The following ZNF274 variants were observed in gnomAD, a reference collection of about 807,000 sequenced individuals.
ZNF274 encodes neurotrophin receptor-interacting factor homolog.
Under a neutral mutation model 42.5 loss-of-function variants are expected in ZNF274, and 23 were observed. The observed-to-expected ratio is 0.54, with a 90% CI of 0.39 to 0.77. ZNF274 has a LOEUF of 0.77. ZNF274 is among the 30% of genes least tolerant of loss of function. The probability of loss-of-function intolerance (pLI) is 0.00; values close to 1 mark genes in which losing one functional copy is unlikely to be tolerated. For missense variants in ZNF274, 679 were observed against 806.5 expected (o/e 0.84, Z 1.91); for synonymous variants, 292 against 305.4 (o/e 0.96, Z 0.46).
chr19:58,186,871 G>A, intron 3 of ZNF274, 76 bp from the exon 4 acceptor site: 6 of 1,277,366 alleles, frequency 4.7e-6, no homozygotes, highest in African/African-American at 1.5e-5. Context: ...AGCTGGAGAC[G>A]GCTTGTGCTG....
chr19:58,198,269 C>T (rs919476789), intron 4 of ZNF274, among the ~76,000 whole-genome samples: 14 of 152,148 alleles, frequency 9.2e-5, no homozygotes, highest in Admixed American at 7.9e-4. Context: ...AGAACCTGTA[C>T]AGATATTTTA....
At position 58,212,211 on chromosome 19, in the gene ZNF274, C is replaced by G. The variant is rs1276279582; in HGVS notation, c.1030C>G (p.Pro344Ala). The G allele has an allele frequency of 1.2e-6, 2 of 1,612,296 alleles. No homozygotes were observed. Among genetic ancestry groups the G allele is most frequent in the African/African-American group, 1.3e-5 (1 of 74,906 alleles). ...NKELAPNSDI[P>A]EEEPAPSLKV... ...AGAGTTAGCTCCAAATTCTGACATTCCTGAGGAAGAACCAGCCCCCAGCCT... is the reference window on the plus strand; with the variant it reads ...AGAGTTAGCTCCAAATTCTGACATTGCTGAGGAAGAACCAGCCCCCAGCCT... The change falls in exon 8 of 8, where the codon CCT becomes GCT. Residue 344 changes from proline to alanine, a missense_variant. Around this residue, in one of 2 missense-constraint regions of ZNF274, gnomAD observed 456 missense variants for 590.1 expected, o/e 0.77. Transcript: ENST00000617501. This position sits in a 1 kb window ranked among gnomAD's most constrained non-coding sequence, Gnocchi z 4.6.
At chr19:58,184,161 C>A (rs2075667315) in intron 2 of ZNF274, 163 bp downstream of exon 2, 1 of 742,546 alleles carries the variant, frequency 1.3e-6, no homozygotes, top group Non-Finnish European at 2.2e-6. Flanking sequence ...ATGGTGGAAC[C>A]GCAGGTTGCT....
intron 4 of ZNF274, among the ~76,000 whole-genome samples, chr19:58,205,305 A>C (rs1842899263): frequency 6.6e-6 from 1 of 152,208 alleles, no homozygotes; most frequent in Admixed American, 6.5e-5. Flanking sequence ...TATCAAAAGT[A>C]AGTCATAATC....
intron 4 of ZNF274, among the ~76,000 whole-genome samples, chr19:58,203,450 G>T (rs2075939173): frequency 6.6e-6 from 1 of 152,076 alleles, no homozygotes; most frequent in African/African-American, 2.4e-5. Context: ...TGGGCCTGGC[G>T]GTGGGCGCCT....
At chr19:58,192,506 A>G (rs985051320) in intron 4 of ZNF274, among the ~76,000 whole-genome samples, 2 of 152,192 alleles carry the variant, frequency 1.3e-5, no homozygotes, top group Non-Finnish European at 2.9e-5. Context: ...AACATATTTC[A>G]TACGTAAAGT....
chr19:58,202,739 A>T (rs534322634), intron 4 of ZNF274, among the ~76,000 whole-genome samples: 1 of 152,300 alleles, frequency 6.6e-6, no homozygotes, highest in South Asian at 2.1e-4. Flanking sequence ...CCTGCAATAG[A>T]CAGTGGTAAG....
chr19:58,212,800 G>A lies in ZNF274; in HGVS notation c.1619G>A (p.Cys540Tyr). The part of the protein sequence containing the change: ...TGERPYVCQD[C>Y]GKGFVQSSSL... ...GAGAGGCCCTATGTGTGTCAAGACT[G>A]TGGGAAAGGATTTGTTCAGAGCTCT... Residue 540 changes from cysteine to tyrosine, a missense_variant, in exon 8 of 8, where the codon TGT (cysteine) becomes TAT (tyrosine). By Grantham distance (194) the Cys-to-Tyr change is radical (BLOSUM62 -2). Around this residue, in one of 2 missense-constraint regions of ZNF274, gnomAD observed 456 missense variants for 590.1 expected, o/e 0.77. Coordinates refer to ENST00000617501, the MANE Select transcript of ZNF274 (RefSeq NM_133502.3). The surrounding 1 kb of genome is among the most constrained non-coding windows in gnomAD (Gnocchi z 4.6). 1.2e-6 allele frequency: 2 copies of A among 1,614,022 alleles called. No homozygotes were observed. Among genetic ancestry groups the A allele is most frequent in the Non-Finnish European group, 1.7e-6 (2 of 1,179,898 alleles).
chr19:58,203,898 T>TA, intron 4 of ZNF274, among the ~76,000 whole-genome samples: 1 of 152,222 alleles, frequency 6.6e-6, no homozygotes, highest in East Asian at 1.9e-4. Flanking sequence ...GCTCAGGTCG[T>TA]GATCTACAAT....
intron 4 of ZNF274, among the ~76,000 whole-genome samples, chr19:58,190,541 A>C (rs182208758): frequency 1.1e-3 from 167 of 152,350 alleles, no homozygotes; most frequent in Middle Eastern, 3.4e-3. Context: ...GATGAATAAA[A>C]ATCGGTAATA....
At position 58,212,873 on chromosome 19, in the gene ZNF274, A is replaced by G; in HGVS notation, c.1692A>G (p.Glu564=). The G allele has an allele frequency of 6.2e-7, 1 of 1,614,016 alleles. No homozygotes were observed. The highest frequency in any genetic ancestry group is 1.1e-5 in the South Asian group (1 of 91,082). The change falls in exon 8 of 8, where the codon GAA becomes GAG. Residue 564 remains glutamate, a synonymous_variant. Transcript: ENST00000617501. This position sits in a 1 kb window ranked among gnomAD's most constrained non-coding sequence, Gnocchi z 4.6. ...QRVHSGERPF[E]CQECGRTFND... ...TTCATTCTGGAGAGAGACCATTTGA[A>G]TGTCAGGAGTGTGGGAGGACCTTCA...
At chr19:58,188,676 G>GTGTGTATATATATGTATATGTATATATA (rs1555816861) in intron 4 of ZNF274, among the ~76,000 whole-genome samples, 1 of 79,772 alleles carries the variant, frequency 1.3e-5, no homozygotes, top group African/African-American at 4.6e-5. Flanking sequence ...GTGTGTGTGT[G>GTGTGTATATATATGTATATGTATATATA]TATATATATA....
Position 58,212,937 on chromosome 19 carries a change from A to G in ZNF274, c.1756A>G (p.Thr586Ala). 1.2e-6 allele frequency: 2 copies of G among 1,614,014 alleles called. No individual in the cohort carries two copies. Among genetic ancestry groups the G allele is most frequent in the Non-Finnish European group, 1.7e-6 (2 of 1,179,888 alleles). ...SAISQHLRTH[T>A]GAKPYKCQDC... ...CATCTCCCAGCACCTGAGGACTCAC[A>G]CTGGCGCTAAGCCCTACAAGTGTCA... Residue 586 changes from threonine (T) to alanine (A), a missense_variant, in exon 8 of 8, where the codon ACT becomes GCT. Physicochemically the swap from Thr to Ala is moderately conservative, Grantham distance 58. Around this residue, in one of 2 missense-constraint regions of ZNF274, gnomAD observed 456 missense variants for 590.1 expected, o/e 0.77. Transcript: ENST00000617501. The surrounding 1 kb of genome is among the most constrained non-coding windows in gnomAD (Gnocchi z 4.6).
At chr19:58,209,580 C>T in intron 5 of ZNF274, 1 of 159,302 alleles carries the variant, frequency 6.3e-6, no homozygotes. Flanking sequence ...CCCAAATAGG[C>T]AGGGTGCAGG....
intron 4 of ZNF274, among the ~76,000 whole-genome samples, chr19:58,187,284 G>A (rs532053847): frequency 2.6e-4 from 39 of 152,292 alleles, no homozygotes; most frequent in African/African-American, 8.9e-4. Context: ...CCCTTAGTCT[G>A]TTACACGCAT....
At chr19:58,202,929 T>G (rs1451502198) in intron 4 of ZNF274, among the ~76,000 whole-genome samples, 1 of 152,062 alleles carries the variant, frequency 6.6e-6, no homozygotes, top group Non-Finnish European at 1.5e-5. Flanking sequence ...GAACAGAGTG[T>G]GGGGCCTCAT....
At chr19:58,183,732 G>A in intron 1 of ZNF274, 189 bp from the exon 2 acceptor site, 1 of 516,616 alleles carries the variant, frequency 1.9e-6, no homozygotes, top group South Asian at 2.4e-5. Flanking sequence ...GAGGCTCGGT[G>A]TCCTCTCGGG....
At chr19:58,183,804 C>T in intron 1 of ZNF274, 117 bp from the exon 2 acceptor site, 2 of 659,246 alleles carry the variant, frequency 3.0e-6, no homozygotes, top group Non-Finnish European at 5.2e-6. Context: ...GGGCGTTTTC[C>T]AGTTTGGGTG....
rs147827472 is a variant in ZNF274 at position 58,203,413 on chromosome 19, G to A, written c.257-3307G>A. Among the ~76,000 whole-genome samples, 231 of 152,184 alleles carry A rather than the reference G, an allele frequency of 1.5e-3. 3 individuals are homozygous for A. The highest frequency in any genetic ancestry group is 0.014 in the Admixed American group (215 of 15,292). ...AGCCTGGCCAAGATGGCGAAACCCT[G>A]TCTCTACTAAAAATACAAAAATTAG... On this transcript the variant is annotated intron_variant, in intron 4 of 7. Transcript: ENST00000617501.
Sources: allele counts gnomAD v4.1 joint callset (sites outside exome capture counted in the v4.1 genomes callset), GRCh38; gene constraint gnomAD v4.1.1; regional missense constraint gnomAD v4.1.1; non-coding constraint Gnocchi (gnomAD v3.1); transcripts MANE v1.5; gene names NCBI Gene and HGNC (gene_info 2026-07-23, HGNC 2026-07-21).